Variants in ADAMTSL1 observed in about 807,000 individuals in gnomAD.
ADAMTSL1 encodes the protein ADAMTS-like protein 1.
Under a neutral mutation model 201.8 loss-of-function variants are expected in ADAMTSL1, and 126 were observed. That is an observed-to-expected ratio of 0.62 (90% CI 0.54 to 0.72). The LOEUF (loss-of-function observed/expected upper bound fraction) is 0.72, where lower values mean the gene tolerates loss of function less well. ADAMTSL1 is among the 30% of genes least tolerant of loss of function. The probability of loss-of-function intolerance (pLI) is 0.00; values close to 1 mark genes in which losing one functional copy is unlikely to be tolerated. For synonymous variants in ADAMTSL1, 1,121 were observed against 903.4 expected, an observed-to-expected ratio of 1.24 and a Z score of -4.32; for missense variants, 2,679 against 2,277.8, an observed-to-expected ratio of 1.18 and a Z score of -3.59.
chr9:18,235,331 G>A (rs1029274704), intron 2 of ADAMTSL1, among the ~76,000 whole-genome samples: 3 of 152,134 alleles, frequency 2.0e-5, no homozygotes, highest in East Asian at 1.9e-4. Flanking sequence ...CCACAGAAGC[G>A]AAGTGCCCTT....
chr9:18,305,705 A>G (rs905930590), intron 2 of ADAMTSL1, among the ~76,000 whole-genome samples: 1 of 152,240 alleles, frequency 6.6e-6, no homozygotes, highest in East Asian at 1.9e-4. Context: ...CAGCAGCCGC[A>G]GTCAGGGGCT....
At chr9:18,045,594 A>G (rs916617962) in intron 1 of ADAMTSL1, among the ~76,000 whole-genome samples, 9 of 152,162 alleles carry the variant, frequency 5.9e-5, no homozygotes, top group African/African-American at 1.7e-4. Flanking sequence ...TCATTGCCCA[A>G]ATACAAAAGC....
chr9:18,605,336 G>A lies in ADAMTSL1; in HGVS notation c.475-16907G>A, dbSNP rs1250768090. 3.3e-5 allele frequency among the ~76,000 whole-genome samples: 5 copies of A among 152,298 alleles called. No individual in the cohort carries two copies. The East Asian group carries it at 7.7e-4, about 24-fold the overall frequency. On this transcript the variant is annotated intron_variant, in intron 4 of 28. Transcript: ENST00000380548. ...ATTTAAATGACTGCTTACAAAATGA[G>A]CCTTTTTTCCCTAATATCCAATTAG... is the stretch of plus-strand genomic sequence containing the variant.
At chr9:18,063,091 G>A (rs1488384431) in intron 1 of ADAMTSL1, among the ~76,000 whole-genome samples, 1 of 152,164 alleles carries the variant, frequency 6.6e-6, no homozygotes, top group Non-Finnish European at 1.5e-5. Context: ...TGAATTGGGA[G>A]GCTGAAATGG....
At chr9:18,459,747 G>A (rs902743814) in intron 2 of ADAMTSL1, among the ~76,000 whole-genome samples, 2 of 152,148 alleles carry the variant, frequency 1.3e-5, no homozygotes, top group Non-Finnish European at 2.9e-5. Flanking sequence ...GATGTATTAG[G>A]TAACTGTAAA....
Position 18,638,429 on chromosome 9 carries a change from C to T in ADAMTSL1, c.677-825C>T, listed in dbSNP as rs546349581. 2.9e-4 allele frequency among the ~76,000 whole-genome samples: 44 copies of T among 152,178 alleles called. 1 individual carries two copies. The highest frequency in any genetic ancestry group is 9.1e-4 in the African/African-American group (38 of 41,552). ...CATTAGCCTTAGTCCATCCATCTTT[C>T]TTCGTGCAACATAACAGACAGTTGT... is the stretch of plus-strand genomic sequence containing the variant. On this transcript the variant is annotated intron_variant, in intron 6 of 28. Coordinates refer to ENST00000380548, the MANE Select transcript of ADAMTSL1 (RefSeq NM_001040272.6).
At chr9:18,477,911 CT>C (rs1295069683) in intron 1 of ADAMTSL1, among the ~76,000 whole-genome samples, 1 of 151,988 alleles carries the variant, frequency 6.6e-6, no homozygotes, top group Non-Finnish European at 1.5e-5. Flanking sequence ...ATAGTGGTCA[CT>C]AGTGAACTAC....
chr9:18,474,023 T>C (rs904392927), upstream of ADAMTSL1: 7 of 515,192 alleles, frequency 1.4e-5, no homozygotes, highest in African/African-American at 1.9e-5. Context: ...AGGAGCCTGA[T>C]TGGCTGGCTG....
intron 2 of ADAMTSL1, among the ~76,000 whole-genome samples, chr9:18,521,673 T>C (rs1002461401): frequency 6.6e-6 from 1 of 152,142 alleles, no homozygotes; most frequent in Non-Finnish European, 1.5e-5. Context: ...CCTCCTCTTG[T>C]TGGGAGCAAG....
rs78634648 is a variant in ADAMTSL1, at chr9:18,643,512, A to G, written c.834+4101A>G. On this transcript the variant is annotated intron_variant, in intron 7 of 28. Coordinates refer to ENST00000380548, the MANE Select transcript of ADAMTSL1 (RefSeq NM_001040272.6). ...CCAGACCAATTGCAGATTGTCACCT[A>G]TGTTTTCTTCTAGTAATTTTATAGT... Among the ~76,000 whole-genome samples, 512 of 152,076 alleles carry G rather than the reference A, an allele frequency of 3.4e-3. 1 individual carries two copies. The highest frequency in any genetic ancestry group is 0.012 in the African/African-American group (491 of 41,528).
rs140650617 is a variant in ADAMTSL1, at chr9:18,753,331, C to A, written c.2040C>A (p.Leu680=). 5.5e-5 allele frequency: 88 copies of A among 1,612,358 alleles called. 1 individual carries two copies. In the African/African-American group the frequency reaches 8.0e-4, roughly 15 times the overall value. ...WEIGKWSPCS[L]TCGVGLQTRD... ...TTGGCAAGTGGAGTCCATGTAGTCT[C>A]ACATGTGGGGTCGGCCTACAGACCA... The change falls in exon 16 of 29, where the codon CTC becomes CTA. Residue 680 remains leucine (L), a synonymous_variant. Coordinates refer to ENST00000380548, the MANE Select transcript of ADAMTSL1 (RefSeq NM_001040272.6).
intron 4 of ADAMTSL1, among the ~76,000 whole-genome samples, chr9:18,604,774 GC>G (rs527591177): frequency 1.4e-4 from 22 of 152,078 alleles, no homozygotes; most frequent in Non-Finnish European, 2.9e-4. Context: ...GTAGATAGGC[GC>G]AAAAGTAGCA....
chr9:18,603,198 C>G (rs202023484), intron 4 of ADAMTSL1, among the ~76,000 whole-genome samples: 1 of 36,346 alleles, frequency 2.8e-5, no homozygotes, highest in African/African-American at 6.9e-5. Context: ...ATCCTTATAA[C>G]AACAACTCTT....
intron 8 of ADAMTSL1, among the ~76,000 whole-genome samples, chr9:18,661,107 C>CA (rs1357605459): frequency 6.6e-6 from 1 of 151,880 alleles, no homozygotes; most frequent in Admixed American, 6.6e-5. Flanking sequence ...TCTTGATCAC[C>CA]ACCCTACCAG....
chr9:18,448,233 T>A (rs139956342), intron 2 of ADAMTSL1, among the ~76,000 whole-genome samples: 1 of 152,248 alleles, frequency 6.6e-6, no homozygotes, highest in East Asian at 1.9e-4. Context: ...GGAGGAGGCT[T>A]GGAGAAAGAA....
In ADAMTSL1 at chr9:18,498,938, C is replaced by T. The variant is rs16936808; in HGVS notation, c.64-5891C>T. Among the ~76,000 whole-genome samples the T allele has an allele frequency of 6.5e-3, 997 of 152,368 alleles. 9 individuals carry two copies. The highest frequency in any genetic ancestry group is 0.023 in the African/African-American group (941 of 41,588). On this transcript the variant is annotated intron_variant, in intron 1 of 28. Transcript: ENST00000380548. Reference sequence around the variant, plus strand: ...CAGTTTTCCCTCACCATCAACTCTCCAGGCTTAGTGCAGTTAGTCGCCTTA... The same window carrying T: ...CAGTTTTCCCTCACCATCAACTCTCTAGGCTTAGTGCAGTTAGTCGCCTTA...
At chr9:17,953,599 A>G (rs1827819528) in intron 1 of ADAMTSL1, among the ~76,000 whole-genome samples, 1 of 152,204 alleles carries the variant, frequency 6.6e-6, no homozygotes. Flanking sequence ...AATACTCTGA[A>G]AACTGCCACA....
Position 18,707,037 on chromosome 9 carries a change from C to G in ADAMTSL1, c.1865C>G (p.Ser622Cys), listed in dbSNP as rs372957224. 5 of 1,612,512 alleles carry G rather than the reference C, an allele frequency of 3.1e-6. No individual in the cohort carries two copies. The highest frequency in any genetic ancestry group is 4.2e-6 in the Non-Finnish European group (5 of 1,179,024). Residue 622 changes from serine (S) to cysteine (C), a missense_variant, in exon 14 of 29, where the codon TCC becomes TGC. Coordinates refer to ENST00000380548, the MANE Select transcript of ADAMTSL1 (RefSeq NM_001040272.6). The stretch of plus-strand genomic sequence containing the variant: ...GAGGGGTTCACCAAGTGCTCCGAGT[C>G]CTGTGGAGGAGGTAAGAAAGGGGGC... ...EYEGFTKCSESCGGGVQEAVV... is the reference protein window; with the variant it reads ...EYEGFTKCSECCGGGVQEAVV...
intron 2 of ADAMTSL1, among the ~76,000 whole-genome samples, chr9:18,307,807 A>G (rs1466135134): frequency 1.3e-5 from 2 of 152,154 alleles, no homozygotes; most frequent in African/African-American, 2.4e-5. Flanking sequence ...ATTAACAAGG[A>G]TATTTAGGAC....
Sources: gnomAD v4.1 joint callset for allele counts (sites outside exome capture counted in the v4.1 genomes callset) on GRCh38, gnomAD v4.1.1 for gene constraint, MANE v1.5 for transcripts, NCBI Gene and HGNC (gene_info 2026-07-23, HGNC 2026-07-21) for gene names.